Variants in SLMAP observed in about 807,000 individuals in gnomAD.
SLMAP encodes sarcolemmal membrane-associated protein.
SLMAP carries 44 observed loss-of-function variants against 128.8 expected under a neutral mutation model. The observed-to-expected ratio is 0.34, with a 90% confidence interval of 0.27 to 0.44. The LOEUF is 0.44. Ranked by LOEUF, SLMAP falls within the 20% of genes least tolerant of loss-of-function variation. The pLI is 1.00. For missense variants in SLMAP, 787 were observed against 985.3 expected (o/e 0.80, Z 2.69); for synonymous variants, 327 against 348.8 (o/e 0.94, Z 0.70).
chr3:57,794,896 C>T (rs543547774), intron 2 of SLMAP, among the ~76,000 whole-genome samples: 1 of 152,278 alleles, frequency 6.6e-6, no homozygotes, highest in Non-Finnish European at 1.5e-5. Flanking sequence ...AGTTTGTGTA[C>T]AAGCTTTTGT....
intron 2 of SLMAP, among the ~76,000 whole-genome samples, chr3:57,786,684 G>A (rs2084210716): frequency 6.7e-6 from 1 of 149,458 alleles, no homozygotes; most frequent in South Asian, 2.1e-4. Context: ...AGTCTCCTGA[G>A]TAGCTGGTAT....
intron 2 of SLMAP, among the ~76,000 whole-genome samples, chr3:57,830,923 C>T (rs2093298549): frequency 6.6e-6 from 1 of 152,100 alleles, no homozygotes. Flanking sequence ...CCCTTTATTG[C>T]CAAATAATAT....
intron 15 of SLMAP, among the ~76,000 whole-genome samples, chr3:57,894,562 A>G (rs535282680): frequency 6.6e-6 from 1 of 152,370 alleles, no homozygotes; most frequent in East Asian, 1.9e-4. Context: ...TAAATTTATA[A>G]TCTCACTAAG....
intron 3 of SLMAP, among the ~76,000 whole-genome samples, chr3:57,833,489 TC>T (rs1308791014): frequency 1.3e-5 from 2 of 151,894 alleles, no homozygotes; most frequent in Non-Finnish European, 2.9e-5. Context: ...TGGCACCATC[TC>T]CAGTCACTGC....
rs982695905 is a variant in SLMAP, at chr3:57,887,234, GA to G, written c.1301-2806del. Among the ~76,000 whole-genome samples, 48 of 147,284 alleles carry G rather than the reference GA, an allele frequency of 3.3e-4. No individual in the cohort carries two copies. In the East Asian group the frequency reaches 9.5e-3, roughly 29 times the overall value. On this transcript the variant is annotated intron_variant, in intron 14 of 24. Transcript: ENST00000671191. The stretch of plus-strand genomic sequence containing the variant: ...TAATATAGTAATAAATAAGCCATGA[GA>G]TTTTTTTTTTTTTTTTTGAGTTTCA...
intron 15 of SLMAP, among the ~76,000 whole-genome samples, chr3:57,894,088 C>G (rs1475807703): frequency 6.6e-6 from 1 of 151,994 alleles, no homozygotes; most frequent in Non-Finnish European, 1.5e-5. Flanking sequence ...TTTCTAATTT[C>G]TTTCAAAATA....
chr3:57,796,008 A>T (rs551680769), intron 2 of SLMAP, among the ~76,000 whole-genome samples: 13 of 152,108 alleles, frequency 8.5e-5, no homozygotes, highest in Non-Finnish European at 1.9e-4. Context: ...TTTATAAGTA[A>T]TTTTTAGTAA....
chr3:57,775,303 A>C (rs1240205464), intron 2 of SLMAP, among the ~76,000 whole-genome samples: 2 of 152,024 alleles, frequency 1.3e-5, no homozygotes, highest in South Asian at 4.2e-4. Context: ...CGGCCTCCCA[A>C]AGTGCTGGGA....
At position 57,929,527 on chromosome 3, in the gene SLMAP, C is replaced by A. The variant is rs998919648; in HGVS notation, c.*2238C>A. 6.6e-6 allele frequency among the ~76,000 whole-genome samples: 1 copy of A among 152,108 alleles called. No homozygotes were observed. Among genetic ancestry groups the A allele is most frequent in the Non-Finnish European group, 1.5e-5 (1 of 68,024 alleles). On this transcript the variant is annotated 3_prime_UTR_variant, in exon 25 of 25. Transcript: ENST00000671191. ...GAAATAAGTCTGTTCATAAGCAATA[C>A]CTTCAGTTTTGTTCAGTTCACTTCC...
chr3:57,763,488 T>C (rs553032338), intron 2 of SLMAP, among the ~76,000 whole-genome samples: 1 of 152,220 alleles, frequency 6.6e-6, no homozygotes, highest in African/African-American at 2.4e-5. Flanking sequence ...TTGCACAAGC[T>C]GGTCTCGAAC....
At chr3:57,804,511 G>T (rs2089368533) in intron 2 of SLMAP, among the ~76,000 whole-genome samples, 1 of 152,220 alleles carries the variant, frequency 6.6e-6, no homozygotes, top group Non-Finnish European at 1.5e-5. Context: ...TTGGGAGGTT[G>T]AGGCAGGAGG....
intron 2 of SLMAP, among the ~76,000 whole-genome samples, chr3:57,775,560 G>T (rs940030524): frequency 1.5e-4 from 22 of 148,400 alleles, no homozygotes; most frequent in Admixed American, 1.4e-3. Context: ...GGTGGTGTAT[G>T]CCTGTAGTCC....
intron 2 of SLMAP, among the ~76,000 whole-genome samples, chr3:57,794,940 C>T (rs1182828281): frequency 6.6e-6 from 1 of 152,188 alleles, no homozygotes; most frequent in African/African-American, 2.4e-5. Context: ...GGGTACATAC[C>T]TTGGAATTGA....
At chr3:57,901,093 C>A (rs1435062383) in intron 17 of SLMAP, 1 of 152,198 alleles carries the variant, frequency 6.6e-6, no homozygotes, top group Admixed American at 6.5e-5. Context: ...GCCTACAGGT[C>A]CTCACTCTAT....
intron 21 of SLMAP, among the ~76,000 whole-genome samples, chr3:57,915,360 T>A (rs1415277936): frequency 1.3e-5 from 2 of 152,210 alleles, no homozygotes; most frequent in African/African-American, 4.8e-5. Context: ...GGCCTATAAG[T>A]CATTGGTCAG....
intron 3 of SLMAP, among the ~76,000 whole-genome samples, chr3:57,835,783 A>T (rs1182921827): frequency 1.3e-5 from 2 of 152,214 alleles, no homozygotes; most frequent in African/African-American, 4.8e-5. Context: ...CTAAATTTGC[A>T]TATATAAACA....
At chr3:57,840,193 A>G (rs1055683800) in intron 3 of SLMAP, among the ~76,000 whole-genome samples, 2 of 152,180 alleles carry the variant, frequency 1.3e-5, no homozygotes, top group African/African-American at 4.8e-5. Flanking sequence ...ACCTCAGGTG[A>G]TCCATCCACT....
At chr3:57,796,476 C>G (rs1405671278) in intron 2 of SLMAP, among the ~76,000 whole-genome samples, 1 of 152,190 alleles carries the variant, frequency 6.6e-6, no homozygotes, top group Non-Finnish European at 1.5e-5. Flanking sequence ...CACTTGTTCT[C>G]TCTGGACCTT....
rs563327510 is a variant in SLMAP, at chr3:57,922,814, A to G, written c.2311-75A>G. 11 of 1,404,526 alleles carry G rather than the reference A, an allele frequency of 7.8e-6. No homozygotes were observed. In the African/African-American group the frequency reaches 1.3e-4, roughly 16 times the overall value. The allele number at this position is 1,404,526 out of a possible 1,614,324, so 87.0% of individuals were successfully genotyped here. ...CAGGTGACTAAATAGGATCTGGCGT[A>G]TAAACCTGATTAGAACCATAACATC... On this transcript the variant is annotated intron_variant, in intron 22 of 24. Transcript: ENST00000671191.
Sources: allele counts gnomAD v4.1 joint callset (sites outside exome capture counted in the v4.1 genomes callset), GRCh38; gene constraint gnomAD v4.1.1; transcripts MANE v1.5; gene names NCBI Gene and HGNC (gene_info 2026-07-23, HGNC 2026-07-21).